Variants in CAMK4 observed in about 807,000 individuals in gnomAD.
CAMK4 encodes calcium/calmodulin dependent protein kinase IV.
In CAMK4, 22 loss-of-function variants were observed where a neutral mutation model predicts 44.9. That is an observed-to-expected ratio of 0.49 (90% CI 0.35 to 0.70). The LOEUF (loss-of-function observed/expected upper bound fraction) is 0.70. CAMK4 is among the 30% of genes least tolerant of loss of function. The probability of loss-of-function intolerance (pLI) is 0.01; values close to 1 mark genes in which losing one functional copy is unlikely to be tolerated. For missense variants in CAMK4, 498 were observed against 586.8 expected, an observed-to-expected ratio of 0.85 and a Z score of 1.56; for synonymous variants, 218 against 215.4, an observed-to-expected ratio of 1.01 and a Z score of -0.11.
At chr5:111,450,984 T>C (rs1173489352) in intron 7 of CAMK4, among the ~76,000 whole-genome samples, 1 of 152,134 alleles carries the variant, frequency 6.6e-6, no homozygotes, top group African/African-American at 2.4e-5. Flanking sequence ...ACTACAAAAC[T>C]AACTCCTTTT....
intron 1 of CAMK4, among the ~76,000 whole-genome samples, chr5:111,314,246 C>A (rs1056600148): frequency 1.3e-5 from 2 of 151,914 alleles, no homozygotes; most frequent in Admixed American, 1.3e-4. Flanking sequence ...TTTTGGTGGT[C>A]TTGGAACTAC....
Position 111,491,336 on chromosome 5 carries a change from T to A in CAMK4, c.*6870T>A, listed in dbSNP as rs189214037. 1.4e-4 allele frequency: 22 copies of A among 152,262 alleles called. No homozygotes were observed. Among genetic ancestry groups the A allele is most frequent in the Admixed American group, 1.4e-3 (22 of 15,280 alleles). 9.4% of individuals were successfully genotyped at this position (152,262 alleles called of 1,614,324 possible). A position where few individuals can be genotyped will look rare whatever the true frequency, so the allele number is the denominator to read the frequency against. On this transcript the variant is annotated 3_prime_UTR_variant, in exon 11 of 11. Transcript: ENST00000282356. ...GACTGCAAAGCCTAAAATGTGTATC[T>A]GGACCCTTACAGTAAAACAATGACC...
At chr5:111,368,013 A>G (rs929189539) in intron 2 of CAMK4, among the ~76,000 whole-genome samples, 8 of 152,132 alleles carry the variant, frequency 5.3e-5, no homozygotes, top group Non-Finnish European at 1.2e-4. Flanking sequence ...TTTCCCAAGT[A>G]AAGCACGGAA....
chr5:111,337,904 G>A (rs899881693), intron 1 of CAMK4, among the ~76,000 whole-genome samples: 1 of 151,148 alleles, frequency 6.6e-6, no homozygotes, highest in Non-Finnish European at 1.5e-5. Flanking sequence ...TGTCCCTAAT[G>A]TCTTGCCCTG....
At chr5:111,455,583 A>G (rs532533551) in intron 7 of CAMK4, among the ~76,000 whole-genome samples, 3 of 152,210 alleles carry the variant, frequency 2.0e-5, no homozygotes, top group Non-Finnish European at 4.4e-5. Flanking sequence ...TGGGCTAACA[A>G]AAGTCAGTGT....
intron 1 of CAMK4, among the ~76,000 whole-genome samples, chr5:111,296,056 G>C (rs181323834): frequency 1.7e-4 from 26 of 152,248 alleles, no homozygotes; most frequent in Middle Eastern, 3.4e-3. Flanking sequence ...TATTCTTTCA[G>C]GAAATTTGCC....
intron 4 of CAMK4, 89 bp from the exon 5 acceptor site, chr5:111,394,621 A>G: frequency 2.4e-6 from 2 of 825,272 alleles, no homozygotes; most frequent in East Asian, 2.6e-5. Flanking sequence ...TATGTGCACC[A>G]TCTTTAACAT....
At chr5:111,419,525 A>G (rs986091809) in intron 5 of CAMK4, among the ~76,000 whole-genome samples, 29 of 152,220 alleles carry the variant, frequency 1.9e-4, no homozygotes, top group South Asian at 4.1e-4. Flanking sequence ...GCCCGTGCCT[A>G]TGTCCTGAAT....
At chr5:111,272,209 A>G (rs908095751) in intron 1 of CAMK4, among the ~76,000 whole-genome samples, 1 of 151,900 alleles carries the variant, frequency 6.6e-6, no homozygotes. Flanking sequence ...TTTTGTTCCA[A>G]CTTATGATTT....
intron 5 of CAMK4, among the ~76,000 whole-genome samples, chr5:111,404,592 G>C (rs1489762123): frequency 6.6e-6 from 1 of 152,166 alleles, no homozygotes; most frequent in Non-Finnish European, 1.5e-5. Context: ...CATGGCCTTA[G>C]GTCCTGTTTA....
At chr5:111,311,929 C>T (rs1748221907) in intron 1 of CAMK4, among the ~76,000 whole-genome samples, 2 of 151,976 alleles carry the variant, frequency 1.3e-5, no homozygotes, top group South Asian at 4.2e-4. Flanking sequence ...TTTTTAGCTG[C>T]CAGATCTCTT....
intron 5 of CAMK4, among the ~76,000 whole-genome samples, chr5:111,427,698 T>C (rs1023879388): frequency 2.0e-5 from 3 of 152,132 alleles, no homozygotes; most frequent in Admixed American, 1.3e-4. Context: ...TCTTGTGGTT[T>C]GAGTGCCAGC....
intron 1 of CAMK4, among the ~76,000 whole-genome samples, chr5:111,241,576 G>T (rs1293811663): frequency 6.6e-6 from 1 of 152,122 alleles, no homozygotes; most frequent in Non-Finnish European, 1.5e-5. Flanking sequence ...ACTAAGTCTA[G>T]CTCACCCTTG....
chr5:111,258,740 C>CGTGTGT (rs201959904), intron 1 of CAMK4, among the ~76,000 whole-genome samples: 3,137 of 139,296 alleles, frequency 0.023, 51 homozygotes, highest in African/African-American at 0.029. Context: ...GAGTTATCAG[C>CGTGTGT]GTGTGTGTGT....
intron 5 of CAMK4, among the ~76,000 whole-genome samples, chr5:111,419,477 GT>G (rs1752942003): frequency 6.6e-6 from 1 of 152,138 alleles, no homozygotes; most frequent in Admixed American, 6.5e-5. Flanking sequence ...TTTGTCTTTT[GT>G]TGCCATTGCT....
intron 1 of CAMK4, among the ~76,000 whole-genome samples, chr5:111,315,657 T>G (rs1207424537): frequency 6.6e-6 from 1 of 152,134 alleles, no homozygotes; most frequent in Non-Finnish European, 1.5e-5. Context: ...CTCTTAAGAC[T>G]TAAACTTTCT....
At chr5:111,377,352 C>G (rs1422366603) in intron 4 of CAMK4, among the ~76,000 whole-genome samples, 1 of 151,974 alleles carries the variant, frequency 6.6e-6, no homozygotes, top group South Asian at 2.1e-4. Context: ...GCTCATAAAA[C>G]TCAATAATCT....
intron 2 of CAMK4, among the ~76,000 whole-genome samples, chr5:111,345,350 T>C (rs888308930): frequency 6.6e-6 from 1 of 151,974 alleles, no homozygotes; most frequent in Admixed American, 6.6e-5. Context: ...TTCCAGAATG[T>C]AGAGGAATCT....
At chr5:111,442,275 C>T (rs566016240) in intron 5 of CAMK4, among the ~76,000 whole-genome samples, 26 of 152,260 alleles carry the variant, frequency 1.7e-4, no homozygotes, top group Middle Eastern at 3.4e-3. Flanking sequence ...AGGTGGATCA[C>T]CCGAGATCAG....
Sources: gnomAD v4.1 joint callset for allele counts (sites outside exome capture counted in the v4.1 genomes callset) on GRCh38, gnomAD v4.1.1 for gene constraint, MANE v1.5 for transcripts, NCBI Gene and HGNC (gene_info 2026-07-23, HGNC 2026-07-21) for gene names.